The following SDK1 variants were observed in gnomAD, a reference collection of about 807,000 sequenced individuals.
The protein encoded by SDK1 is protein sidekick-1.
Under a neutral mutation model 245.5 loss-of-function variants are expected in SDK1, and 157 were observed. The observed-to-expected ratio is 0.64, with a 90% CI of 0.56 to 0.73. The LOEUF (loss-of-function observed/expected upper bound fraction) is 0.73. Among genes scored for constraint, SDK1 ranks in the 30% least tolerant of loss-of-function variants. The pLI, the probability that SDK1 is intolerant of heterozygous loss-of-function variation, is 0.00. For missense variants in SDK1, 3,583 were observed against 3,002.3 expected, an observed-to-expected ratio of 1.19 and a Z score of -4.52; for synonymous variants, 1,647 against 1,278.5, an observed-to-expected ratio of 1.29 and a Z score of -6.15.
At chr7:4,105,445 T>C (rs1782839342) in intron 22 of SDK1, among the ~76,000 whole-genome samples, 1 of 152,062 alleles carries the variant, frequency 6.6e-6, no homozygotes. Flanking sequence ...TAGCTGGGAC[T>C]ACAGGCACGT....
At chr7:4,163,353 G>A (rs1781288981) in intron 32 of SDK1, among the ~76,000 whole-genome samples, 1 of 152,224 alleles carries the variant, frequency 6.6e-6, no homozygotes, top group Non-Finnish European at 1.5e-5. Context: ...GGTTCGGGAA[G>A]TCAGGAGAAA....
intron 5 of SDK1, among the ~76,000 whole-genome samples, chr7:3,879,405 G>A (rs1363427876): frequency 6.6e-6 from 1 of 152,198 alleles, no homozygotes; most frequent in African/African-American, 2.4e-5. Context: ...CAGAGAGTGA[G>A]AAGTATTTGC....
At chr7:3,711,615 T>G (rs1211005684) in intron 4 of SDK1, among the ~76,000 whole-genome samples, 1 of 151,896 alleles carries the variant, frequency 6.6e-6, no homozygotes, top group Admixed American at 6.6e-5. Flanking sequence ...GGCCATGGAG[T>G]TGACATGTTC....
intron 28 of SDK1, among the ~76,000 whole-genome samples, chr7:4,135,307 C>T (rs560929809): frequency 2.0e-5 from 3 of 152,146 alleles, no homozygotes; most frequent in Non-Finnish European, 4.4e-5. Flanking sequence ...TTGCCAGGAG[C>T]GGGAGTTTGT....
intron 5 of SDK1, among the ~76,000 whole-genome samples, chr7:3,844,064 G>A (rs1174594289): frequency 1.3e-5 from 2 of 152,074 alleles, no homozygotes; most frequent in African/African-American, 2.4e-5. Flanking sequence ...TCCACCTCCC[G>A]GGTTCAAGTG....
chr7:3,317,494 T>A (rs1779692706), intron 1 of SDK1, among the ~76,000 whole-genome samples: 1 of 152,208 alleles, frequency 6.6e-6, no homozygotes, highest in South Asian at 2.1e-4. Context: ...TCCTCATTTC[T>A]GTAGCTTGAC....
At chr7:4,091,622 G>A (rs985572853) in intron 22 of SDK1, among the ~76,000 whole-genome samples, 10 of 152,060 alleles carry the variant, frequency 6.6e-5, no homozygotes, top group East Asian at 3.9e-4. Context: ...GATTACAGGC[G>A]TGAGCCACTG....
intron 1 of SDK1, among the ~76,000 whole-genome samples, chr7:3,546,161 C>G (rs1453955868): frequency 6.6e-6 from 1 of 152,150 alleles, no homozygotes; most frequent in African/African-American, 2.4e-5. Context: ...TTCAGGTGGT[C>G]TGGGGTGGGG....
intron 5 of SDK1, among the ~76,000 whole-genome samples, chr7:3,878,952 T>A (rs577707743): frequency 6.6e-6 from 1 of 152,158 alleles, no homozygotes; most frequent in Non-Finnish European, 1.5e-5. Flanking sequence ...TAAAAAAAAA[T>A]TTTAATTAAC....
intron 4 of SDK1, among the ~76,000 whole-genome samples, chr7:3,791,207 A>G (rs1238001180): frequency 4.6e-5 from 7 of 152,132 alleles, no homozygotes; most frequent in Admixed American, 1.3e-4. Flanking sequence ...GAGATGGCAG[A>G]CAAAACCTGA....
chr7:4,139,637 ATG>A lies in SDK1; in HGVS notation c.4229-6077_4229-6076del, dbSNP rs1316955784. On this transcript the variant is annotated intron_variant, in intron 28 of 44. Coordinates refer to ENST00000404826, the MANE Select transcript of SDK1 (RefSeq NM_152744.4). ...TATATGTGTGTGTGTATATGTATAT[ATG>A]TGTGTGTATATGTGTGTGTGTATAT... Among the ~76,000 whole-genome samples, 16 of 52,174 alleles carry A rather than the reference ATG, an allele frequency of 3.1e-4. 1 individual carries two copies. The highest frequency in any genetic ancestry group is 1.4e-3 in the South Asian group (2 of 1,478). 34.2% of individuals were successfully genotyped at this position (52,174 alleles called of 152,430 possible). A position where few individuals can be genotyped will look rare whatever the true frequency, so the allele number is the denominator to read the frequency against.
intron 35 of SDK1, among the ~76,000 whole-genome samples, chr7:4,182,209 G>A (rs949383004): frequency 3.3e-5 from 5 of 152,228 alleles, no homozygotes; most frequent in Admixed American, 3.3e-4. Context: ...ATCCCCTGAG[G>A]AGCGGCTGCC....
chr7:4,261,453 G>A (rs1254831885), intron 44 of SDK1, among the ~76,000 whole-genome samples: 1 of 152,014 alleles, frequency 6.6e-6, no homozygotes, highest in Non-Finnish European at 1.5e-5. Context: ...CGGATTGGCA[G>A]TTTTCCTTCT....
At chr7:3,638,564 C>T (rs1326209557) in intron 2 of SDK1, among the ~76,000 whole-genome samples, 2 of 141,088 alleles carry the variant, frequency 1.4e-5, no homozygotes, top group Non-Finnish European at 1.5e-5. Context: ...TGTTCTCACT[C>T]ATAGGTGGGA....
Position 4,042,567 on chromosome 7 carries a change from G to A in SDK1, c.2603-6781G>A, listed in dbSNP as rs577481930. Among the ~76,000 whole-genome samples, 6 of 102,340 alleles carry A rather than the reference G, an allele frequency of 5.9e-5. 1 individual carries two copies. Among genetic ancestry groups the A allele is most frequent in the African/African-American group, 1.9e-4 (3 of 15,566 alleles). 67.1% of individuals were successfully genotyped at this position (102,340 alleles called of 152,430 possible). A position where few individuals can be genotyped will look rare whatever the true frequency, so the allele number is the denominator to read the frequency against. ...CAGAAAGGAGCATAACACCTGTCAC[G>A]TTACCAGCCTGCCTCCAGGCCTGCC... On this transcript the variant is annotated intron_variant, in intron 17 of 44. Coordinates refer to ENST00000404826, the MANE Select transcript of SDK1 (RefSeq NM_152744.4).
chr7:3,595,828 C>CAAA (rs35037283), intron 1 of SDK1, among the ~76,000 whole-genome samples: 19 of 54,026 alleles, frequency 3.5e-4, no homozygotes, highest in East Asian at 6.5e-4. Flanking sequence ...GACTTCATCT[C>CAAA]AAAAAAAAAA....
chr7:4,113,173 A>G lies in SDK1; in HGVS notation c.3435-116A>G, dbSNP rs943865497. Reference sequence around the variant, plus strand: ...GTCCTTGAGCAATAGCCTTTATGATATGAGTAGACACCTATCTGAGCCCTC... The same window carrying G: ...GTCCTTGAGCAATAGCCTTTATGATGTGAGTAGACACCTATCTGAGCCCTC... On this transcript the variant is annotated intron_variant, in intron 23 of 44. Coordinates refer to ENST00000404826, the MANE Select transcript of SDK1 (RefSeq NM_152744.4). The G allele has an allele frequency of 1.9e-5, 20 of 1,078,792 alleles. 1 individual carries two copies. The highest frequency in any genetic ancestry group is 1.1e-4 in the South Asian group (7 of 65,306). The allele number at this position is 1,078,792 out of a possible 1,614,324, so 66.8% of individuals were successfully genotyped here. A position where few individuals can be genotyped will look rare whatever the true frequency, so the allele number is the denominator to read the frequency against.
intron 2 of SDK1, among the ~76,000 whole-genome samples, chr7:3,636,371 C>G (rs575640957): frequency 6.6e-6 from 1 of 152,146 alleles, no homozygotes; most frequent in Non-Finnish European, 1.5e-5. Context: ...CCCGCTTCCC[C>G]TCCCCTGTAC....
intron 14 of SDK1, among the ~76,000 whole-genome samples, chr7:4,008,761 G>A (rs1785702328): frequency 6.6e-6 from 1 of 152,090 alleles, no homozygotes; most frequent in South Asian, 2.1e-4. Flanking sequence ...ATAAATTAAA[G>A]AATAAAAGAT....
Sources: gnomAD v4.1 joint callset for allele counts (sites outside exome capture counted in the v4.1 genomes callset) on GRCh38, gnomAD v4.1.1 for gene constraint, MANE v1.5 for transcripts, NCBI Gene and HGNC (gene_info 2026-07-23, HGNC 2026-07-21) for gene names.